The following CNOT11 variants were observed in gnomAD, a reference collection of about 807,000 sequenced individuals.
The protein encoded by CNOT11 is CCR4-NOT transcription complex subunit 11, also known as UPF0760 protein C2orf29.
CNOT11 carries 18 observed loss-of-function variants against 44.6 expected under a neutral mutation model. That is an observed-to-expected ratio of 0.40 (90% confidence interval 0.28 to 0.60). The LOEUF (loss-of-function observed/expected upper bound fraction) is 0.60. CNOT11 is among the 20% of genes least tolerant of loss of function. CNOT11 has a pLI of 0.38. For synonymous variants in CNOT11, 291 were observed against 270.9 expected (o/e 1.07, Z -0.73); for missense variants, 513 against 677.0 (o/e 0.76, Z 2.69).
At position 101,253,395 on chromosome 2, in the gene CNOT11, C is replaced by T; in HGVS notation, c.431C>T (p.Pro144Leu). 1 of 1,590,018 alleles carries T rather than the reference C, an allele frequency of 6.3e-7. No homozygotes were observed. Among genetic ancestry groups the T allele is most frequent in the Non-Finnish European group, 8.5e-7 (1 of 1,175,346 alleles). Residue 144 changes from proline (P) to leucine (L), a missense_variant, in exon 1 of 7, where the codon CCC becomes CTC. Transcript: ENST00000289382. The surrounding 1 kb of genome is among the most constrained non-coding windows in gnomAD (Gnocchi z 4.3). ...MYRTEPLAAN[P>L]FAASFAHLLN... ...CGCACCGAGCCGCTGGCCGCCAACC[C>T]CTTCGCCGCCAGCTTCGCGCACCTG... is the stretch of plus-strand genomic sequence containing the variant.
chr2:101,263,312 G>A (rs1158857343), intron 3 of CNOT11, among the ~76,000 whole-genome samples: 6 of 151,342 alleles, frequency 4.0e-5, no homozygotes, highest in African/African-American at 1.5e-4. Context: ...TCTTCTTATT[G>A]CTATCATTTC....
chr2:101,257,532 C>A (rs1218753943), intron 1 of CNOT11, among the ~76,000 whole-genome samples: 2 of 152,066 alleles, frequency 1.3e-5, no homozygotes, highest in African/African-American at 2.4e-5. Flanking sequence ...TTTTGTGTTT[C>A]TTTCCTCTTT....
Position 101,253,496 on chromosome 2 carries a change from C to A in CNOT11, c.514+18C>A. The A allele has an allele frequency of 4.2e-6, 6 of 1,440,172 alleles. No individual in the cohort carries two copies. Among genetic ancestry groups the A allele is most frequent in the Non-Finnish European group, 5.4e-6 (6 of 1,105,558 alleles). 89.2% of individuals were successfully genotyped at this position (1,440,172 alleles called of 1,614,324 possible). A position where few individuals can be genotyped will look rare whatever the true frequency, so the allele number is the denominator to read the frequency against. Reference sequence around the variant, plus strand: ...GCTCTCAGGTACCTCCTGAAGCCAGCTGTGCCGTGTGGATAGCGTTAGATT... The same window carrying A: ...GCTCTCAGGTACCTCCTGAAGCCAGATGTGCCGTGTGGATAGCGTTAGATT... On this transcript the variant is annotated intron_variant, in intron 1 of 6. Coordinates refer to ENST00000289382, the MANE Select transcript of CNOT11 (RefSeq NM_017546.5). The surrounding 1 kb of genome is among the most constrained non-coding windows in gnomAD (Gnocchi z 4.3).
At chr2:101,258,830 A>G (rs1024178072) in intron 2 of CNOT11, among the ~76,000 whole-genome samples, 2 of 147,380 alleles carry the variant, frequency 1.4e-5, no homozygotes, top group Admixed American at 1.4e-4. Flanking sequence ...AAAAAAAAAA[A>G]GAAAAATCCA....
chr2:101,258,402 T>C (rs1419193328), intron 2 of CNOT11, among the ~76,000 whole-genome samples: 1 of 135,728 alleles, frequency 7.4e-6, no homozygotes, highest in Admixed American at 7.0e-5. Flanking sequence ...TCTCAATAAA[T>C]AAATAAATAA....
intron 2 of CNOT11, among the ~76,000 whole-genome samples, chr2:101,259,133 G>A (rs542130972): frequency 5.9e-5 from 9 of 152,220 alleles, no homozygotes; most frequent in Middle Eastern, 6.8e-3. Flanking sequence ...GACCTGTCTC[G>A]GGATGCTGAA....
chr2:101,258,223 G>T (rs1051214151), intron 2 of CNOT11, among the ~76,000 whole-genome samples: 2 of 151,890 alleles, frequency 1.3e-5, no homozygotes, highest in Non-Finnish European at 2.9e-5. Flanking sequence ...GTGAAACCCT[G>T]TCTCTACTAA....
chr2:101,258,003 C>T lies in CNOT11; in HGVS notation c.679+48C>T, dbSNP rs1237497662. 3.2e-6 allele frequency: 5 copies of T among 1,551,146 alleles called. No individual in the cohort carries two copies. The South Asian group carries it at 5.9e-5, about 18-fold the overall frequency. ...GGCATTTCTGTGTGGTAATATTAGG[C>T]CTCTCTTGTTGAGGACTCTACTAAA... On this transcript the variant is annotated intron_variant, in intron 2 of 6. Transcript: ENST00000289382.
rs918416506 is a variant in CNOT11, at chr2:101,255,240, A to G, written c.514+1762A>G. Among the ~76,000 whole-genome samples the G allele has an allele frequency of 2.6e-5, 4 of 152,252 alleles. No individual in the cohort carries two copies. The East Asian group carries it at 7.8e-4, about 30-fold the overall frequency. ...GCTGGGCGCGGTGGCTCACGCCTGT[A>G]ATCCCAGCACTTTGGGAGGCCGAGG... On this transcript the variant is annotated intron_variant, in intron 1 of 6. Coordinates refer to ENST00000289382, the MANE Select transcript of CNOT11 (RefSeq NM_017546.5).
intron 2 of CNOT11, among the ~76,000 whole-genome samples, chr2:101,261,194 GT>G (rs1406494385): frequency 1.3e-5 from 2 of 152,346 alleles, no homozygotes; most frequent in East Asian, 3.9e-4. Context: ...CAGGCTCCCT[GT>G]TTCTCCCAGT....
rs2272320 is a variant in CNOT11 at position 101,253,126 on chromosome 2, G to A, written c.162G>A (p.Pro54=). ...ASGPGSGSGG[P]GGPAGRMSLT... ...GCCCCGGGTCCGGGAGCGGAGGCCCGGGGGGCCCCGCGGGCAGGATGAGCT... is the reference window on the plus strand; with the variant it reads ...GCCCCGGGTCCGGGAGCGGAGGCCCAGGGGGCCCCGCGGGCAGGATGAGCT... The change falls in exon 1 of 7, where the codon CCG becomes CCA. Residue 54 remains proline, a synonymous_variant. Transcript: ENST00000289382. This position sits in a 1 kb window ranked among gnomAD's most constrained non-coding sequence, Gnocchi z 4.3. 16 of 1,539,746 alleles carry A rather than the reference G, an allele frequency of 1.0e-5. No homozygotes were observed. The Admixed American group carries it at 2.0e-4, about 19-fold the overall frequency.
chr2:101,262,877 T>G (rs1681900031), intron 3 of CNOT11, among the ~76,000 whole-genome samples, 186 bp downstream of exon 3: 1 of 152,208 alleles, frequency 6.6e-6, no homozygotes, highest in Non-Finnish European at 1.5e-5. Context: ...TAATTTCTTC[T>G]TTAAGAAAAA....
rs1464078015 is a variant in CNOT11, at chr2:101,253,432, G to GCCGC, written c.477_480dup (p.Gly161ProfsTer60). Reference sequence around the variant, plus strand: ...GCTTCGCGCACCTGCTCAACCCCGCGCCGCCCGCCCGCGGCGGCCAGGAAC... The same window carrying GCCGC: ...GCTTCGCGCACCTGCTCAACCCCGCGCCGCCCGCCCGCCCGCGGCGGCCAGGAAC... On this transcript the variant is annotated frameshift_variant, in exon 1 of 7. Coordinates refer to ENST00000289382, the MANE Select transcript of CNOT11 (RefSeq NM_017546.5). LOFTEE classifies it high-confidence loss of function. This position sits in a 1 kb window ranked among gnomAD's most constrained non-coding sequence, Gnocchi z 4.3. The GCCGC allele has an allele frequency of 1.9e-6, 3 of 1,542,296 alleles. No homozygotes were observed. Among genetic ancestry groups the GCCGC allele is most frequent in the Non-Finnish European group, 2.6e-6 (3 of 1,156,606 alleles).
At chr2:101,268,103 G>A (rs1682032406) in intron 5 of CNOT11, among the ~76,000 whole-genome samples, 2 of 152,190 alleles carry the variant, frequency 1.3e-5, no homozygotes, top group Non-Finnish European at 1.5e-5. Flanking sequence ...GGTAGCAGAG[G>A]GAGGAAATGT....
intron 4 of CNOT11, among the ~76,000 whole-genome samples, 157 bp from the exon 5 acceptor site, chr2:101,266,518 CAT>C (rs1186747918): frequency 6.6e-6 from 1 of 152,128 alleles, no homozygotes; most frequent in East Asian, 1.9e-4. Flanking sequence ...AATGTCAAGA[CAT>C]CATGGGTTTG....
At chr2:101,254,408 T>G (rs1027183034) in intron 1 of CNOT11, among the ~76,000 whole-genome samples, 15 of 152,140 alleles carry the variant, frequency 9.9e-5, no homozygotes, top group African/African-American at 3.1e-4. Context: ...GCGTTTCTAG[T>G]TAGTGTTCCT....
chr2:101,256,509 GGCTTCATGA>G (rs1451031731), intron 1 of CNOT11, among the ~76,000 whole-genome samples: 1 of 152,080 alleles, frequency 6.6e-6, no homozygotes, highest in Non-Finnish European at 1.5e-5. Flanking sequence ...GGAGAGATGA[GGCTTCATGA>G]GCAATTAAAC....
At chr2:101,264,284 A>C (rs2104367886) in intron 3 of CNOT11, among the ~76,000 whole-genome samples, 2 of 152,326 alleles carry the variant, frequency 1.3e-5, no homozygotes, top group Admixed American at 1.3e-4. Flanking sequence ...CTGAAAATGA[A>C]TATAGTATTT....
At chr2:101,257,749 A>G (rs774081521) in intron 1 of CNOT11, 42 bp from the exon 2 acceptor site, 20 of 1,539,540 alleles carry the variant, frequency 1.3e-5, no homozygotes, top group South Asian at 2.3e-5. Context: ...TTGATTTTTA[A>G]AAGTAACCAT....
Sources: allele counts gnomAD v4.1 joint callset (sites outside exome capture counted in the v4.1 genomes callset), GRCh38; gene constraint gnomAD v4.1.1; non-coding constraint Gnocchi (gnomAD v3.1); transcripts MANE v1.5; gene names NCBI Gene and HGNC (gene_info 2026-07-23, HGNC 2026-07-21).